The following PTPRN2 variants were observed in gnomAD, a reference collection of about 807,000 sequenced individuals.
The protein encoded by PTPRN2 is protein tyrosine phosphatase receptor type N2, also known as receptor-type tyrosine-protein phosphatase N2.
PTPRN2 carries 74 observed loss-of-function variants against 118.8 expected under a neutral mutation model. That is an observed-to-expected ratio of 0.62 (90% CI 0.52 to 0.76). PTPRN2 has a LOEUF of 0.76. PTPRN2 is among the 30% of genes least tolerant of loss of function. The pLI is 0.00. For synonymous variants in PTPRN2, 641 were observed against 608.0 expected, an observed-to-expected ratio of 1.05 and a Z score of -0.80; for missense variants, 1,481 against 1,394.4, an observed-to-expected ratio of 1.06 and a Z score of -0.99.
intron 11 of PTPRN2, among the ~76,000 whole-genome samples, chr7:157,996,519 A>T (rs1376442622): frequency 1.3e-5 from 2 of 152,162 alleles, no homozygotes; most frequent in African/African-American, 4.8e-5. Flanking sequence ...CACGGCTTAG[A>T]GCCCTTCCTT....
intron 12 of PTPRN2, among the ~76,000 whole-genome samples, chr7:157,891,820 C>A (rs1018932984): frequency 6.6e-6 from 1 of 152,182 alleles, no homozygotes; most frequent in Non-Finnish European, 1.5e-5. Flanking sequence ...GCCCCCAGGG[C>A]TCCTTGAATA....
At chr7:158,152,530 G>C (rs377697085) in intron 6 of PTPRN2, among the ~76,000 whole-genome samples, 16 of 152,292 alleles carry the variant, frequency 1.1e-4, no homozygotes, top group African/African-American at 3.9e-4. Flanking sequence ...GGGGAGAGCT[G>C]GTCCCTTTAA....
At chr7:157,749,638 G>T (rs1009166842) in intron 12 of PTPRN2, among the ~76,000 whole-genome samples, 3 of 138,412 alleles carry the variant, frequency 2.2e-5, no homozygotes, top group Non-Finnish European at 4.6e-5. Context: ...TCTCTGAGCT[G>T]TGGGGTGTCC....
intron 1 of PTPRN2, among the ~76,000 whole-genome samples, chr7:158,530,901 TG>T (rs753132747): frequency 6.6e-6 from 1 of 152,022 alleles, no homozygotes; most frequent in Non-Finnish European, 1.5e-5. Context: ...AATGGCAGGC[TG>T]GGGGGAGCTA....
intron 2 of PTPRN2, among the ~76,000 whole-genome samples, chr7:158,389,197 C>T (rs959963892): frequency 6.6e-6 from 1 of 152,262 alleles, no homozygotes; most frequent in Non-Finnish European, 1.5e-5. Context: ...ACTGAGGCCA[C>T]ACCACACTTC....
chr7:158,199,879 T>C (rs1456023380), intron 4 of PTPRN2, among the ~76,000 whole-genome samples: 1 of 152,126 alleles, frequency 6.6e-6, no homozygotes, highest in Middle Eastern at 3.2e-3. Context: ...GCCAACACGG[T>C]TCCTTATCAT....
intron 9 of PTPRN2, among the ~76,000 whole-genome samples, chr7:158,130,986 A>T (rs1818186058): frequency 6.7e-6 from 1 of 148,160 alleles, no homozygotes; most frequent in Non-Finnish European, 1.5e-5. Context: ...ACAAACACAC[A>T]TATGCAGAAA....
At chr7:157,711,849 G>A (rs1306779552) in intron 12 of PTPRN2, among the ~76,000 whole-genome samples, 6 of 150,918 alleles carry the variant, frequency 4.0e-5, no homozygotes, top group Non-Finnish European at 7.4e-5. Context: ...CCTTTTAAGA[G>A]GTGTCTAAAT....
At chr7:158,308,595 G>A (rs1226332204) in intron 3 of PTPRN2, among the ~76,000 whole-genome samples, 2 of 151,094 alleles carry the variant, frequency 1.3e-5, no homozygotes, top group Non-Finnish European at 3.0e-5. Context: ...CACAAAGGAG[G>A]GAAAGAGAAA....
intron 1 of PTPRN2, among the ~76,000 whole-genome samples, chr7:158,564,216 C>T (rs1479586719): frequency 6.6e-6 from 1 of 152,104 alleles, no homozygotes; most frequent in Non-Finnish European, 1.5e-5. Flanking sequence ...TTTAACTAAC[C>T]TCTTGCTTAT....
At chr7:158,457,129 A>G (rs1820480769) in intron 2 of PTPRN2, among the ~76,000 whole-genome samples, 1 of 152,222 alleles carries the variant, frequency 6.6e-6, no homozygotes, top group Admixed American at 6.5e-5. Flanking sequence ...TGGCGCACGC[A>G]GGGTGGATTC....
intron 11 of PTPRN2, among the ~76,000 whole-genome samples, chr7:158,000,603 GGGGAGCA>G (rs1206848171): frequency 4.8e-5 from 7 of 147,316 alleles, no homozygotes; most frequent in African/African-American, 1.3e-4. Context: ...GGCCGCAGGT[GGGGAGCA>G]GGGTGGGGCT....
chr7:157,863,250 C>T (rs958615025), intron 12 of PTPRN2: 4 of 152,234 alleles, frequency 2.6e-5, no homozygotes, highest in African/African-American at 9.6e-5. Flanking sequence ...TGATGTACGT[C>T]TGCAGGAGGG....
chr7:158,156,585 G>A (rs1821838556), intron 6 of PTPRN2, among the ~76,000 whole-genome samples: 1 of 152,186 alleles, frequency 6.6e-6, no homozygotes, highest in Non-Finnish European at 1.5e-5. Context: ...CGGTGGAGAG[G>A]GCAGGTGAAC....
chr7:158,341,166 C>G (rs113547176), intron 2 of PTPRN2, among the ~76,000 whole-genome samples: 3 of 145,946 alleles, frequency 2.1e-5, no homozygotes, highest in African/African-American at 8.2e-5. Flanking sequence ...CGCCCGCAGA[C>G]GTCACTCACA....
intron 14 of PTPRN2, among the ~76,000 whole-genome samples, chr7:157,641,685 G>C (rs1804674760): frequency 1.3e-5 from 2 of 152,256 alleles, no homozygotes; most frequent in Non-Finnish European, 1.5e-5. Flanking sequence ...CTGTCCTCTT[G>C]CTCCAGAAGA....
chr7:158,569,217 G>A (rs1827828859), intron 1 of PTPRN2, among the ~76,000 whole-genome samples: 1 of 152,272 alleles, frequency 6.6e-6, no homozygotes, highest in Non-Finnish European at 1.5e-5. Context: ...TAGGAATGCA[G>A]CGTTTCCACG....
At chr7:158,074,920 C>T (rs976905174) in intron 11 of PTPRN2, among the ~76,000 whole-genome samples, 8 of 152,342 alleles carry the variant, frequency 5.3e-5, no homozygotes, top group African/African-American at 1.2e-4. Flanking sequence ...TGCTGAGCAA[C>T]GCAGTTTCCT....
intron 12 of PTPRN2, among the ~76,000 whole-genome samples, chr7:157,819,612 C>T (rs1806675561): frequency 6.6e-6 from 1 of 151,178 alleles, no homozygotes; most frequent in Non-Finnish European, 1.5e-5. Context: ...CAAGGGTACA[C>T]CAAGCGGCCA....
Sources: gnomAD v4.1 joint callset for allele counts (sites outside exome capture counted in the v4.1 genomes callset) on GRCh38, gnomAD v4.1.1 for gene constraint, MANE v1.5 for transcripts, NCBI Gene and HGNC (gene_info 2026-07-23, HGNC 2026-07-21) for gene names.